TANC1: variants seen among roughly 807,000 people sequenced by gnomAD.
TANC1 encodes the protein tetratricopeptide repeat, ankyrin repeat and coiled-coil containing 1.
A neutral mutation model predicts 149.7 loss-of-function variants in TANC1; 77 were observed. The ratio of observed to expected loss-of-function variants is 0.51; its 90% CI spans 0.43 to 0.62. The LOEUF (loss-of-function observed/expected upper bound fraction) is 0.62. TANC1 is among the 20% of genes least tolerant of loss of function. TANC1 has a pLI of 0.00. For synonymous variants in TANC1, 854 were observed against 925.0 expected, an observed-to-expected ratio of 0.92 and a Z score of 1.39; for missense variants, 1,985 against 2,321.8, an observed-to-expected ratio of 0.85 and a Z score of 2.98.
Position 159,178,797 on chromosome 2 carries a change from AG to A in TANC1, c.2145del (p.Arg716GlyfsTer28). On this transcript the variant is annotated frameshift_variant, in exon 14 of 27. Coordinates refer to ENST00000263635, the MANE Select transcript of TANC1 (RefSeq NM_033394.3). LOFTEE classifies it high-confidence loss of function. ...LYLKLTLDLFQRGHLVIKSAS... is the reference protein window; with the variant it reads ...LYLKLTLDLFXRGHLVIKSAS... ...CTCAAGCTCACCCTGGACCTTTTCC[AG>A]AGGGGCCACTTGGTCATTAAGAGTG... The A allele has an allele frequency of 6.2e-7, 1 of 1,614,210 alleles. No homozygotes were observed.
intron 11 of TANC1, among the ~76,000 whole-genome samples, chr2:159,173,836 A>C (rs2150499996): frequency 6.6e-6 from 1 of 152,218 alleles, no homozygotes; most frequent in South Asian, 2.1e-4. Flanking sequence ...TCTCATGGCA[A>C]CTCCAGGTTG....
intron 26 of TANC1, 114 bp from the exon 27 acceptor site, chr2:159,229,464 T>C: frequency 1.1e-6 from 1 of 939,812 alleles, no homozygotes; most frequent in African/African-American, 1.7e-5. Context: ...CCGTAAGTGT[T>C]CAAAACTCAC....
In TANC1 at chr2:159,019,653, G is replaced by GTTTTTTTTTTTTTTTTT. The variant is rs55746240; in HGVS notation, c.-16+18481_-16+18497dup. 4.6e-4 allele frequency among the ~76,000 whole-genome samples: 34 copies of GTTTTTTTTTTTTTTTTT among 73,304 alleles called. 10 individuals carry two copies. Among genetic ancestry groups the GTTTTTTTTTTTTTTTTT allele is most frequent in the Non-Finnish European group, 6.9e-4 (27 of 39,228 alleles). 48.1% of individuals were successfully genotyped at this position (73,304 alleles called of 152,430 possible). A position where few individuals can be genotyped will look rare whatever the true frequency, so the allele number is the denominator to read the frequency against. On this transcript the variant is annotated intron_variant, in intron 2 of 26. Coordinates refer to ENST00000263635, the MANE Select transcript of TANC1 (RefSeq NM_033394.3). ...CCTAACTGCAGCTTGCTTTCTTTCTGTTTTTTTTTTTTTTTTTTTTTTTTT... is the reference window on the plus strand; with the variant it reads ...CCTAACTGCAGCTTGCTTTCTTTCTGTTTTTTTTTTTTTTTTTTTTTTTTTTTTTTTTTTTTTTTTTT...
intron 2 of TANC1, among the ~76,000 whole-genome samples, chr2:159,004,701 A>G (rs2036967910): frequency 6.6e-6 from 1 of 152,122 alleles, no homozygotes; most frequent in Non-Finnish European, 1.5e-5. Context: ...CCCCAGTAGA[A>G]ATAAAAAAAA....
chr2:159,074,144 C>A (rs1420019286), intron 3 of TANC1, among the ~76,000 whole-genome samples: 1 of 148,282 alleles, frequency 6.7e-6, no homozygotes, highest in African/African-American at 2.4e-5. Context: ...TAGGGGCAGG[C>A]TAGTTATACC....
intron 17 of TANC1, among the ~76,000 whole-genome samples, chr2:159,196,063 C>CT (rs141150822): frequency 0.012 from 1,847 of 152,326 alleles, 19 homozygotes; most frequent in Non-Finnish European, 0.017. Flanking sequence ...TACTTGCCAG[C>CT]ATGCCCAGGC....
intron 3 of TANC1, among the ~76,000 whole-genome samples, chr2:159,090,299 G>A (rs1376993892): frequency 6.6e-6 from 1 of 152,168 alleles, no homozygotes; most frequent in African/African-American, 2.4e-5. Context: ...TTAATCATCT[G>A]CATTACTTAG....
intron 2 of TANC1, among the ~76,000 whole-genome samples, chr2:159,053,865 A>C (rs567857483): frequency 6.6e-6 from 1 of 152,156 alleles, no homozygotes. Flanking sequence ...GAGCTTGCTC[A>C]TTTTGGCATG....
At chr2:159,072,754 C>T (rs909060301) in intron 3 of TANC1, among the ~76,000 whole-genome samples, 4 of 151,442 alleles carry the variant, frequency 2.6e-5, no homozygotes, top group African/African-American at 9.7e-5. Context: ...TACCCTAAAA[C>T]TTAAAGTATA....
At chr2:159,007,582 G>A (rs941149270) in intron 2 of TANC1, among the ~76,000 whole-genome samples, 3 of 152,174 alleles carry the variant, frequency 2.0e-5, no homozygotes, top group African/African-American at 4.8e-5. Flanking sequence ...CTCTACCACA[G>A]AGCCTAGGTA....
intron 2 of TANC1, among the ~76,000 whole-genome samples, chr2:159,020,350 G>A (rs1011877704): frequency 6.6e-6 from 1 of 152,106 alleles, no homozygotes. Context: ...CTGGCCTCAA[G>A]TAATCCACCT....
At chr2:159,152,500 A>G (rs1426409821) in intron 7 of TANC1, among the ~76,000 whole-genome samples, 6 of 147,694 alleles carry the variant, frequency 4.1e-5, no homozygotes, top group Admixed American at 4.0e-4. Flanking sequence ...GACAGTTACA[A>G]ACTTTTCTTG....
chr2:159,140,628 A>G (rs1187548564), intron 5 of TANC1, among the ~76,000 whole-genome samples: 1 of 152,048 alleles, frequency 6.6e-6, no homozygotes, highest in South Asian at 2.1e-4. Flanking sequence ...TAAAGGAGGA[A>G]GTAATGACTA....
intron 1 of TANC1, among the ~76,000 whole-genome samples, chr2:158,981,489 TTTTATATA>T (rs1372344117): frequency 2.3e-4 from 12 of 51,686 alleles, no homozygotes; most frequent in Non-Finnish European, 3.1e-4. Context: ...AATATATAGC[TTTTATATA>T]TATATATATA....
Position 159,196,611 on chromosome 2 carries a change from G to T in TANC1, c.2983G>T (p.Asp995Tyr). The T allele has an allele frequency of 6.3e-7, 1 of 1,596,800 alleles. No individual in the cohort carries two copies. Among genetic ancestry groups the T allele is most frequent in the South Asian group, 1.1e-5 (1 of 89,970 alleles). Reference sequence around the variant, plus strand: ...CTTCCCCTACTCCTGCCCCCAGGTGGACCACTTGGATAAGAAGGGCCAGTG... The same window carrying T: ...CTTCCCCTACTCCTGCCCCCAGGTGTACCACTTGGATAAGAAGGGCCAGTG... ...CLLTKKGVRV[D>Y]HLDKKGQCAL... The change falls in exon 18 of 27, where the codon GAC (aspartate) becomes TAC (tyrosine). Residue 995 changes from aspartate (D) to tyrosine (Y), a missense_variant. Around this residue, in one of 3 missense-constraint regions of TANC1, gnomAD observed 508 missense variants for 714.2 expected, o/e 0.71. Transcript: ENST00000263635.
chr2:159,190,955 G>A (rs1055994368), intron 16 of TANC1, among the ~76,000 whole-genome samples: 5 of 152,266 alleles, frequency 3.3e-5, no homozygotes, highest in Non-Finnish European at 7.3e-5. Context: ...GATCTGTAGA[G>A]CAGGCTTGGT....
chr2:159,015,561 G>A (rs1226265597), intron 2 of TANC1, among the ~76,000 whole-genome samples: 1 of 152,180 alleles, frequency 6.6e-6, no homozygotes. Context: ...TCAGAAAATA[G>A]AATTTTCTTT....
At chr2:159,153,328 C>T (rs1221459460) in intron 7 of TANC1, among the ~76,000 whole-genome samples, 2 of 152,212 alleles carry the variant, frequency 1.3e-5, no homozygotes, top group African/African-American at 4.8e-5. Context: ...TTCCTCTGCT[C>T]AAGCCAACAT....
chr2:159,045,252 A>C (rs1453378432), intron 2 of TANC1, among the ~76,000 whole-genome samples: 1 of 152,162 alleles, frequency 6.6e-6, no homozygotes, highest in African/African-American at 2.4e-5. Context: ...TGAGCTCAGG[A>C]GTGCCTGTCT....
Sources: gnomAD v4.1 joint callset for allele counts (sites outside exome capture counted in the v4.1 genomes callset) on GRCh38, gnomAD v4.1.1 for gene constraint, gnomAD v4.1.1 regional missense constraint, MANE v1.5 for transcripts, NCBI Gene and HGNC (gene_info 2026-07-23, HGNC 2026-07-21) for gene names.